Variants in PPM1L observed in about 807,000 individuals in gnomAD.
PPM1L encodes the protein protein phosphatase, Mg2+/Mn2+ dependent 1L.
A neutral mutation model predicts 31.4 loss-of-function variants in PPM1L; 13 were observed. The observed-to-expected ratio is 0.41, with a 90% CI of 0.27 to 0.66. The LOEUF is 0.66. Among genes scored for constraint, PPM1L ranks in the 30% least tolerant of loss-of-function variants. The pLI is 0.29. For missense variants in PPM1L, 326 were observed against 453.7 expected, an observed-to-expected ratio of 0.72 and a Z score of 2.56; for synonymous variants, 184 against 175.4, an observed-to-expected ratio of 1.05 and a Z score of -0.39.
chr3:160,945,634 C>T (rs907068156), intron 1 of PPM1L, among the ~76,000 whole-genome samples: 15 of 152,100 alleles, frequency 9.9e-5, no homozygotes, highest in African/African-American at 3.4e-4. Flanking sequence ...CCAAGAAACT[C>T]AGAGTTACTT....
At chr3:161,004,742 T>G (rs1484360327) in intron 2 of PPM1L, among the ~76,000 whole-genome samples, 6 of 150,366 alleles carry the variant, frequency 4.0e-5, no homozygotes, top group African/African-American at 1.5e-4. Flanking sequence ...TTTTTCTTTA[T>G]TAGTCTTGCT....
At chr3:160,771,359 T>G (rs1402019143) in intron 1 of PPM1L, among the ~76,000 whole-genome samples, 2 of 151,606 alleles carry the variant, frequency 1.3e-5, no homozygotes, top group Admixed American at 6.6e-5. Context: ...TGGGCTCAGG[T>G]GATCCTCCCA....
At chr3:161,057,575 T>C (rs1431625263) in intron 2 of PPM1L, among the ~76,000 whole-genome samples, 2 of 152,126 alleles carry the variant, frequency 1.3e-5, no homozygotes, top group South Asian at 2.1e-4. Context: ...GACCAACAGC[T>C]GCCTTTCGCT....
chr3:160,798,450 C>A (rs1712324797), intron 1 of PPM1L, among the ~76,000 whole-genome samples: 1 of 151,956 alleles, frequency 6.6e-6, no homozygotes, highest in Non-Finnish European at 1.5e-5. Flanking sequence ...GCTTATTTGC[C>A]ATTTCAAAAA....
intron 2 of PPM1L, among the ~76,000 whole-genome samples, chr3:160,975,187 AT>A (rs1716520978): frequency 6.6e-6 from 1 of 152,118 alleles, no homozygotes; most frequent in Non-Finnish European, 1.5e-5. Flanking sequence ...AGTTGTAGAT[AT>A]GCGGCGTTAT....
chr3:160,855,768 G>A (rs893290134), intron 1 of PPM1L, among the ~76,000 whole-genome samples: 3 of 152,144 alleles, frequency 2.0e-5, no homozygotes, highest in Middle Eastern at 3.2e-3. Context: ...TGGAGGGAAC[G>A]TAAGTGTTTC....
chr3:160,914,560 A>G (rs1714091014), intron 1 of PPM1L, among the ~76,000 whole-genome samples: 2 of 150,606 alleles, frequency 1.3e-5, no homozygotes, highest in Non-Finnish European at 1.5e-5. Context: ...TGTCCTTGCG[A>G]TAGTTTGCTG....
intron 1 of PPM1L, among the ~76,000 whole-genome samples, chr3:160,937,387 G>C (rs1401790834): frequency 6.6e-6 from 1 of 152,154 alleles, no homozygotes; most frequent in Admixed American, 6.5e-5. Flanking sequence ...TTGGGAGGCT[G>C]AGGTGGGTGG....
At chr3:160,834,385 G>T (rs1424209835) in intron 1 of PPM1L, among the ~76,000 whole-genome samples, 1 of 151,836 alleles carries the variant, frequency 6.6e-6, no homozygotes, top group African/African-American at 2.4e-5. Flanking sequence ...TCAGATGGTT[G>T]TAGAAGTGCC....
chr3:160,879,504 G>A (rs1322774395), intron 1 of PPM1L, among the ~76,000 whole-genome samples: 1 of 152,124 alleles, frequency 6.6e-6, no homozygotes, highest in Non-Finnish European at 1.5e-5. Flanking sequence ...AGCGCTGCAT[G>A]AGGTACTGGT....
At chr3:161,019,601 A>G (rs567488742) in intron 2 of PPM1L, among the ~76,000 whole-genome samples, 30 of 152,204 alleles carry the variant, frequency 2.0e-4, no homozygotes, top group Non-Finnish European at 4.1e-4. Context: ...CAGAAGTAAG[A>G]TAGAATCAAA....
intron 1 of PPM1L, among the ~76,000 whole-genome samples, chr3:160,878,549 C>G (rs1712595378): frequency 2.0e-5 from 3 of 152,166 alleles, no homozygotes; most frequent in African/African-American, 7.2e-5. Flanking sequence ...ATGAGGGCCC[C>G]ACCCTTGTGA....
chr3:160,839,073 T>A (rs1338909761), intron 1 of PPM1L, among the ~76,000 whole-genome samples: 1 of 152,214 alleles, frequency 6.6e-6, no homozygotes, highest in African/African-American at 2.4e-5. Context: ...CCCTCTGCTC[T>A]GTTATGACAT....
intron 1 of PPM1L, among the ~76,000 whole-genome samples, chr3:160,942,253 A>G (rs374649812): frequency 2.0e-5 from 3 of 151,996 alleles, no homozygotes; most frequent in African/African-American, 4.8e-5. Flanking sequence ...ATTCCTGTAC[A>G]TTGGTTTCTT....
At chr3:160,845,207 G>A (rs1269300603) in intron 1 of PPM1L, among the ~76,000 whole-genome samples, 1 of 151,922 alleles carries the variant, frequency 6.6e-6, no homozygotes, top group Non-Finnish European at 1.5e-5. Flanking sequence ...ATGCTGCTAT[G>A]AACATTTGTG....
chr3:161,012,160 T>C (rs1219836997), intron 2 of PPM1L, among the ~76,000 whole-genome samples: 1 of 152,204 alleles, frequency 6.6e-6, no homozygotes, highest in African/African-American at 2.4e-5. Flanking sequence ...GGGTTTGTCA[T>C]AGATAGCTCT....
At chr3:160,970,311 A>G (rs1716281157) in intron 2 of PPM1L, among the ~76,000 whole-genome samples, 1 of 152,194 alleles carries the variant, frequency 6.6e-6, no homozygotes, top group South Asian at 2.1e-4. Flanking sequence ...ATGTATAATA[A>G]CAGTAGGAAG....
chr3:160,785,904 G>A (rs572443816), intron 1 of PPM1L, among the ~76,000 whole-genome samples: 166 of 148,742 alleles, frequency 1.1e-3, no homozygotes, highest in African/African-American at 3.8e-3. Flanking sequence ...CTGGGTGAAA[G>A]AGCATGTATA....
intron 2 of PPM1L, among the ~76,000 whole-genome samples, chr3:160,993,342 C>G (rs1399169806): frequency 2.6e-5 from 4 of 152,048 alleles, no homozygotes; most frequent in African/African-American, 4.8e-5. Context: ...CTAGATTAGT[C>G]TCGAGTTTGA....
Sources: gnomAD v4.1 joint callset for allele counts (sites outside exome capture counted in the v4.1 genomes callset) on GRCh38, gnomAD v4.1.1 for gene constraint, MANE v1.5 for transcripts, NCBI Gene and HGNC (gene_info 2026-07-23, HGNC 2026-07-21) for gene names.